LHX8: variants seen among roughly 807,000 people sequenced by gnomAD.
LHX8 encodes the protein LIM/homeobox protein Lhx8.
Under a neutral mutation model 40.3 loss-of-function variants are expected in LHX8, and 12 were observed. The ratio of observed to expected loss-of-function variants is 0.30; its 90% confidence interval spans 0.19 to 0.48. The LOEUF is 0.48. Ranked by LOEUF, LHX8 falls within the 20% of genes least tolerant of loss-of-function variation. LHX8 has a pLI of 0.99. For synonymous variants in LHX8, 179 were observed against 162.0 expected (o/e 1.10, Z -0.80); for missense variants, 344 against 433.7 (o/e 0.79, Z 1.84).
intron 7 of LHX8, 32 bp from the exon 8 acceptor site, chr1:75,156,861 T>C: frequency 6.2e-7 from 1 of 1,608,584 alleles, no homozygotes. Context: ...GTGTGTAACC[T>C]ACCTACTTCT....
At chr1:75,179,500 T>TG in the LHX8 span, among the ~76,000 whole-genome samples, 2 of 123,666 alleles carry the variant, frequency 1.6e-5, no homozygotes, top group Non-Finnish European at 3.5e-5. Context: ...GCAACCCCTG[T>TG]TGTTTTTTTT....
At chr1:75,166,836 A>G in the LHX8 span, among the ~76,000 whole-genome samples, 5 of 152,186 alleles carry the variant, frequency 3.3e-5, no homozygotes, top group African/African-American at 9.7e-5. Flanking sequence ...TCTAACAAAG[A>G]CTTGGATCCA....
At chr1:75,194,550 A>AT in the LHX8 span, among the ~76,000 whole-genome samples, 1 of 152,200 alleles carries the variant, frequency 6.6e-6, no homozygotes. Context: ...CAGCATTTAT[A>AT]GCCACCACCT....
chr1:75,194,008 T>G, the LHX8 span, among the ~76,000 whole-genome samples: 2 of 152,220 alleles, frequency 1.3e-5, no homozygotes, highest in Admixed American at 6.5e-5. Context: ...CAAGGGCTGC[T>G]TAAGGGGTTG....
chr1:75,195,471 C>T, the LHX8 span, among the ~76,000 whole-genome samples: 1 of 152,124 alleles, frequency 6.6e-6, no homozygotes, highest in African/African-American at 2.4e-5. Context: ...GGGTTACTGA[C>T]TTTTTTTCTA....
chr1:75,146,709 T>G (rs577823522), intron 6 of LHX8, among the ~76,000 whole-genome samples: 1 of 152,222 alleles, frequency 6.6e-6, no homozygotes, highest in African/African-American at 2.4e-5. Flanking sequence ...TTTTTTCTTT[T>G]TGTGTGTGTG....
chr1:75,148,068 A>C (rs1648508636), intron 6 of LHX8, among the ~76,000 whole-genome samples: 3 of 152,062 alleles, frequency 2.0e-5, no homozygotes, highest in Non-Finnish European at 4.4e-5. Context: ...CTCTTTTTAG[A>C]CACCTTTTTT....
chr1:75,194,598 C>T, the LHX8 span, among the ~76,000 whole-genome samples: 1 of 152,266 alleles, frequency 6.6e-6, no homozygotes, highest in East Asian at 1.9e-4. Flanking sequence ...CTGTTTGAGG[C>T]TGATGTGCTT....
chr1:75,158,116 A>G (rs900515726), intron 8 of LHX8, among the ~76,000 whole-genome samples: 16 of 152,184 alleles, frequency 1.1e-4, no homozygotes, highest in African/African-American at 3.4e-4. Context: ...GTGCAGTGCA[A>G]TCTTATTTTA....
chr1:75,179,067 T>A, the LHX8 span, among the ~76,000 whole-genome samples: 1 of 152,172 alleles, frequency 6.6e-6, no homozygotes. Flanking sequence ...TTTTTTCACA[T>A]TGCTGAGGAG....
At chr1:75,144,530 A>G (rs1429610009) in intron 6 of LHX8, among the ~76,000 whole-genome samples, 1 of 151,570 alleles carries the variant, frequency 6.6e-6, no homozygotes, top group Non-Finnish European at 1.5e-5. Context: ...ATTTGATATT[A>G]AAGTTTTATT....
intron 6 of LHX8, 73 bp downstream of exon 6, chr1:75,144,021 G>C: frequency 1.8e-6 from 2 of 1,114,516 alleles, no homozygotes; most frequent in East Asian, 4.8e-5. Flanking sequence ...CCTCCATGCT[G>C]CCCAAAAACA....
chr1:75,160,761 A>G (rs1449419013), intron 8 of LHX8, 58 bp from the exon 9 acceptor site: 10 of 1,132,114 alleles, frequency 8.8e-6, no homozygotes, highest in African/African-American at 6.1e-5. Context: ...TTGTTTGTTT[A>G]TAAATCAGTT....
intron 5 of LHX8, among the ~76,000 whole-genome samples, 191 bp from the exon 6 acceptor site, chr1:75,143,654 A>C (rs1051384815): frequency 6.6e-6 from 1 of 152,156 alleles, no homozygotes; most frequent in Non-Finnish European, 1.5e-5. Context: ...CTTTTCACTA[A>C]ATATACAAGT....
At chr1:75,133,925 A>G (rs115437926), upstream of LHX8, among the ~76,000 whole-genome samples, 2,257 of 152,254 alleles carry the variant, frequency 0.015, 54 homozygotes, top group African/African-American at 0.052. Flanking sequence ...GGGAGCGCGA[A>G]CTGCTAGATA....
At chr1:75,155,573 T>G (rs1648742544) in intron 7 of LHX8, among the ~76,000 whole-genome samples, 1 of 152,126 alleles carries the variant, frequency 6.6e-6, no homozygotes, top group Non-Finnish European at 1.5e-5. Flanking sequence ...TTATCACCTG[T>G]CAGGGAATTC....
At chr1:75,154,778 C>T (rs555176673) in intron 7 of LHX8, among the ~76,000 whole-genome samples, 4 of 152,250 alleles carry the variant, frequency 2.6e-5, no homozygotes, top group Non-Finnish European at 5.9e-5. Context: ...TGTGACTTCC[C>T]ACTTGTCTTA....
At chr1:75,143,045 G>A in intron 4 of LHX8, 73 bp from the exon 5 acceptor site, 1 of 1,126,306 alleles carries the variant, frequency 8.9e-7, no homozygotes, top group Non-Finnish European at 1.3e-6. Flanking sequence ...ATAATGTGCT[G>A]GTTTAATATT....
upstream of LHX8, chr1:75,130,748 G>C (rs1325562549): frequency 3.7e-6 from 6 of 1,613,204 alleles, no homozygotes; most frequent in Middle Eastern, 1.6e-4. Context: ...TTTGTGGAAA[G>C]AACCTCTAGA....
Sources: gnomAD v4.1 joint callset for allele counts (sites outside exome capture counted in the v4.1 genomes callset) on GRCh38, gnomAD v4.1.1 for gene constraint, MANE v1.5 for transcripts, NCBI Gene and HGNC (gene_info 2026-07-23, HGNC 2026-07-21) for gene names.